The following SDE2 variants were observed in gnomAD, a reference collection of about 807,000 sequenced individuals.
SDE2 encodes spliceosome associated SDE2.
SDE2 carries 31 observed loss-of-function variants against 46.9 expected under a neutral mutation model. The ratio of observed to expected loss-of-function variants is 0.66; its 90% confidence interval spans 0.50 to 0.89. The LOEUF (loss-of-function observed/expected upper bound fraction) is 0.89, where lower values mean the gene tolerates loss of function less well. Among genes scored for constraint, SDE2 ranks in the 40% least tolerant of loss-of-function variants. SDE2 has a pLI of 0.00. For missense variants in SDE2, 542 were observed against 564.4 expected, an observed-to-expected ratio of 0.96 and a Z score of 0.40; for synonymous variants, 205 against 204.3, an observed-to-expected ratio of 1.00 and a Z score of -0.03.
At position 225,985,481 on chromosome 1, in the gene SDE2, C is replaced by G. The variant is rs1338640020; in HGVS notation, c.1177G>C (p.Val393Leu). 1 of 1,613,864 alleles carries G rather than the reference C, an allele frequency of 6.2e-7. No homozygotes were observed. The highest frequency in any genetic ancestry group is 1.3e-5 in the African/African-American group (1 of 74,930). Residue 393 changes from valine to leucine, a missense_variant, in exon 7 of 7, where the codon GTT (valine) becomes CTT (leucine). This residue lies in a region of SDE2 where 401 missense variants were observed against 437.8 expected (regional missense o/e 0.92). Coordinates refer to ENST00000272091, the MANE Select transcript of SDE2 (RefSeq NM_152608.4). ...AAACCCAGCAACTCCAGTTCTGCAA[C>G]AGAGGTGAACGCCAATAAATCTATA... ...ETIDLLAFTS[V>L]AELELLGLEK...
intron 3 of SDE2, 152 bp downstream of exon 3, chr1:225,992,739 T>G (rs980178103): frequency 1.2e-5 from 8 of 668,180 alleles, no homozygotes; most frequent in Non-Finnish European, 2.1e-5. Flanking sequence ...CAAAGATGAT[T>G]ATTAAATTAT....
At chr1:225,989,185 T>A (rs1483532971) in intron 5 of SDE2, among the ~76,000 whole-genome samples, 2 of 149,668 alleles carry the variant, frequency 1.3e-5, no homozygotes, top group Non-Finnish European at 3.0e-5. Context: ...TAGTCCCTGC[T>A]ACTCGAGAGG....
chr1:225,988,121 C>T lies in SDE2; in HGVS notation c.909G>A (p.Glu303=). 1 of 1,614,168 alleles carries T rather than the reference C, an allele frequency of 6.2e-7. No individual in the cohort carries two copies. Among genetic ancestry groups the T allele is most frequent in the South Asian group, 1.1e-5 (1 of 91,084 alleles). The change falls in exon 6 of 7, where the codon GAG becomes GAA. Residue 303 remains glutamate (E), a synonymous_variant. Transcript: ENST00000272091. ...ILEDSCAELG[E]SKEHMESRMV... is the part of the protein sequence containing the mutation. ...TCCTGCTTTCCATGTGCTCTTTGGA[C>T]TCCCCCAGCTCAGCACATGAGTCTT...
In SDE2 at chr1:225,995,350, T is replaced by C. The variant is rs867619188; in HGVS notation, c.154A>G (p.Asn52Asp). ...TCACTGGTGTTAATGAGTGCTCCAT[T>C]GCATTTCACAAAGAAGTTTTCCACT... ...VPVENFFVKC[N>D]GALINTSDTV... Residue 52 changes from asparagine to aspartate, a missense_variant, in exon 2 of 7, where the codon AAT (asparagine) becomes GAT (aspartate). By Grantham distance (23) the Asn-to-Asp change is conservative (BLOSUM62 1). Coordinates refer to ENST00000272091, the MANE Select transcript of SDE2 (RefSeq NM_152608.4). The C allele has an allele frequency of 4.3e-6, 7 of 1,611,580 alleles. No individual in the cohort carries two copies. The Admixed American group carries it at 5.0e-5, about 12-fold the overall frequency.
intron 6 of SDE2, among the ~76,000 whole-genome samples, chr1:225,987,131 C>T (rs1656286432): frequency 6.6e-6 from 1 of 152,238 alleles, no homozygotes; most frequent in African/African-American, 2.4e-5. Context: ...CAACCTCCAC[C>T]TCCCAGGGCA....
intron 1 of SDE2, among the ~76,000 whole-genome samples, chr1:225,998,210 T>C (rs1221452000): frequency 6.6e-6 from 1 of 152,218 alleles, no homozygotes; most frequent in African/African-American, 2.4e-5. Flanking sequence ...ATTATTTTCA[T>C]GGTCAAAAAC....
intron 2 of SDE2, among the ~76,000 whole-genome samples, chr1:225,995,058 A>C (rs745888069): frequency 6.6e-6 from 1 of 152,226 alleles, no homozygotes; most frequent in Non-Finnish European, 1.5e-5. Flanking sequence ...GAAAGAAAAC[A>C]AAAGAATAAG....
chr1:225,995,192 G>C, intron 2 of SDE2, 74 bp downstream of exon 2: 1 of 782,216 alleles, frequency 1.3e-6, no homozygotes, highest in Non-Finnish European at 2.2e-6. Flanking sequence ...GCAAATGTCA[G>C]CAGCAGAATA....
chr1:225,992,984 C>T lies in SDE2; in HGVS notation c.257G>A (p.Arg86Gln). 1.9e-6 allele frequency: 3 copies of T among 1,609,138 alleles called. No individual in the cohort carries two copies. The highest frequency in any genetic ancestry group is 1.3e-5 in the African/African-American group (1 of 74,896). Residue 86 changes from arginine (R) to glutamine (Q), a missense_variant, in exon 3 of 7, where the codon CGA (arginine) becomes CAA (glutamine). Physicochemically the swap from Arg to Gln is conservative, Grantham distance 43 (BLOSUM62 1). This residue lies in a region of SDE2 where 6 missense variants were observed against 20.1 expected (regional missense o/e 0.30). Coordinates refer to ENST00000272091, the MANE Select transcript of SDE2 (RefSeq NM_152608.4). ...GGKGGFGSMLRALGAQIEKTT... is the reference protein window; with the variant it reads ...GGKGGFGSMLQALGAQIEKTT... ...CTTCTCAATCTGAGCACCAAGTGCT[C>T]GGAGCATAGATCCAAAACCTGAGCA...
intron 6 of SDE2, among the ~76,000 whole-genome samples, chr1:225,986,458 G>A (rs1216700794): frequency 6.6e-6 from 1 of 151,908 alleles, no homozygotes; most frequent in Non-Finnish European, 1.5e-5. Context: ...ATATTAAAGA[G>A]CTCTGGAGAC....
intron 6 of SDE2, 64 bp downstream of exon 6, chr1:225,987,832 T>G: frequency 7.1e-7 from 1 of 1,411,068 alleles, no homozygotes; most frequent in Non-Finnish European, 9.7e-7. Context: ...CATTTTCATT[T>G]TAATGACTTA....
chr1:225,983,124 A>T lies in SDE2; in HGVS notation c.*2178T>A, dbSNP rs1389778119. On this transcript the variant is annotated 3_prime_UTR_variant, in exon 7 of 7. Coordinates refer to ENST00000272091, the MANE Select transcript of SDE2 (RefSeq NM_152608.4). Reference sequence around the variant, plus strand: ...ATTAAAAGATACAGAGAGAACAGATAAAAATGCAAGTCTCAAGTATATGTT... The same window carrying T: ...ATTAAAAGATACAGAGAGAACAGATTAAAATGCAAGTCTCAAGTATATGTT... 2 of 152,226 alleles carry T rather than the reference A, an allele frequency of 1.3e-5. No individual in the cohort carries two copies. The highest frequency in any genetic ancestry group is 4.8e-5 in the African/African-American group (2 of 41,462). The allele number at this position is 152,226 out of a possible 1,614,324, so 9.4% of individuals were successfully genotyped here.
In SDE2 at chr1:225,988,397, A is replaced by T. The variant is rs186162491; in HGVS notation, c.642-9T>A. On this transcript the variant is annotated splice_polypyrimidine_tract_variant and intron_variant, in intron 5 of 6. Coordinates refer to ENST00000272091, the MANE Select transcript of SDE2 (RefSeq NM_152608.4). The stretch of plus-strand genomic sequence containing the variant: ...GTCCCTCCATGCCCAACCTGTCAGA[A>T]GCAACAGAAAGGTTTAACAGCGTTT... The T allele has an allele frequency of 6.4e-5, 103 of 1,613,186 alleles. 1 individual carries two copies. The African/African-American group carries it at 1.3e-3, about 20-fold the overall frequency.
intron 1 of SDE2, among the ~76,000 whole-genome samples, chr1:225,998,052 A>G (rs1051197318): frequency 6.6e-6 from 1 of 151,798 alleles, no homozygotes; most frequent in Non-Finnish European, 1.5e-5. Context: ...GCTTGAACTC[A>G]GCGAGGCGGA....
At chr1:225,997,792 A>T (rs899946690) in intron 1 of SDE2, among the ~76,000 whole-genome samples, 4 of 152,048 alleles carry the variant, frequency 2.6e-5, no homozygotes, top group African/African-American at 9.7e-5. Flanking sequence ...TTAAGATCCT[A>T]TTTTTTCTGG....
intron 1 of SDE2, among the ~76,000 whole-genome samples, chr1:225,996,623 C>T (rs772481749): frequency 1.3e-5 from 2 of 152,148 alleles, no homozygotes; most frequent in Non-Finnish European, 2.9e-5. Flanking sequence ...TTAGCACAAC[C>T]AGCCTAAGGC....
In SDE2 at chr1:225,999,327, G is replaced by A. The variant is rs372672932; in HGVS notation, c.-15C>T. On this transcript the variant is annotated 5_prime_UTR_variant, in exon 1 of 7. Coordinates refer to ENST00000272091, the MANE Select transcript of SDE2 (RefSeq NM_152608.4). ...GCCTCCGCCATGTCACCGACTACCC[G>A]AACCTCAAGCCTCTCTGAGACACCA... 51 of 1,609,678 alleles carry A rather than the reference G, an allele frequency of 3.2e-5. No individual in the cohort carries two copies. Among genetic ancestry groups the A allele is most frequent in the African/African-American group, 5.3e-5 (4 of 74,824 alleles).
Position 225,988,089 on chromosome 1 carries a change from G to A in SDE2, c.941C>T (p.Thr314Ile), listed in dbSNP as rs61731742. ...CTTCTCCTGGGTCTCTTCTGTTTCT[G>A]TAACCATCCTGCTTTCCATGTGCTC... The part of the protein sequence containing the change: ...SKEHMESRMV[T>I]ETEETQEKKA... The change falls in exon 6 of 7, where the codon ACA becomes ATA. Residue 314 changes from threonine (T) to isoleucine (I), a missense_variant. Physicochemically the swap from Thr to Ile is moderately conservative, Grantham distance 89. Transcript: ENST00000272091. 2,302 of 1,614,068 alleles carry A rather than the reference G, an allele frequency of 1.4e-3. 21 individuals are homozygous for A. In the African/African-American group the frequency reaches 0.024, roughly 17 times the overall value.
chr1:225,988,040 T>C lies in SDE2; in HGVS notation c.990A>G (p.Ile330Met). The C allele has an allele frequency of 1.2e-6, 2 of 1,614,242 alleles. No individual in the cohort carries two copies. The highest frequency in any genetic ancestry group is 8.5e-7 in the Non-Finnish European group (1 of 1,180,032). The change falls in exon 6 of 7, where the codon ATA (isoleucine) becomes ATG (methionine). Residue 330 changes from isoleucine to methionine, a missense_variant. Around this residue, in one of 3 missense-constraint regions of SDE2, gnomAD observed 401 missense variants for 437.8 expected, o/e 0.92. Coordinates refer to ENST00000272091, the MANE Select transcript of SDE2 (RefSeq NM_152608.4). ...GTCCAGCCCCAGTGGGCTCCTCTTC[T>C]ATGGGTTCTTTACTCTCTGCCTTCT... The part of the protein sequence containing the change: ...QEKKAESKEP[I>M]EEEPTGAGLN...
Sources: allele counts gnomAD v4.1 joint callset (sites outside exome capture counted in the v4.1 genomes callset), GRCh38; gene constraint gnomAD v4.1.1; regional missense constraint gnomAD v4.1.1; transcripts MANE v1.5; gene names NCBI Gene and HGNC (gene_info 2026-07-23, HGNC 2026-07-21).